Variants in CEP85 observed in about 807,000 individuals in gnomAD.
CEP85 encodes the protein centrosomal protein 85, also known as centrosomal protein of 85 kDa.
Under a neutral mutation model 93.7 loss-of-function variants are expected in CEP85, and 58 were observed. The observed-to-expected ratio is 0.62, with a 90% CI of 0.50 to 0.77. The LOEUF is 0.77. Among genes scored for constraint, CEP85 ranks in the 30% least tolerant of loss-of-function variants. CEP85 has a pLI of 0.00. For missense variants in CEP85, 868 were observed against 922.0 expected (o/e 0.94, Z 0.76); for synonymous variants, 314 against 338.6 (o/e 0.93, Z 0.80).
intron 3 of CEP85, among the ~76,000 whole-genome samples, chr1:26,245,954 T>G (rs2089502659): frequency 6.6e-6 from 1 of 150,634 alleles, no homozygotes; most frequent in African/African-American, 2.4e-5. Context: ...GAGACTAGCC[T>G]GGGCAGCATA....
At chr1:26,247,809 TTTG>T (rs2089535101) in intron 3 of CEP85, among the ~76,000 whole-genome samples, 2 of 150,910 alleles carry the variant, frequency 1.3e-5, no homozygotes, top group South Asian at 4.2e-4. Flanking sequence ...ACTCAGCCAG[TTTG>T]TTTTGTTTTG....
intron 7 of CEP85, among the ~76,000 whole-genome samples, chr1:26,264,147 A>G (rs545759036): frequency 6.6e-6 from 1 of 152,038 alleles, no homozygotes; most frequent in South Asian, 2.1e-4. Context: ...TGTTTATAGT[A>G]TTTCTTGTTT....
chr1:26,253,236 C>T (rs1462047952), intron 3 of CEP85, among the ~76,000 whole-genome samples: 5 of 152,040 alleles, frequency 3.3e-5, no homozygotes, highest in Non-Finnish European at 7.4e-5. Flanking sequence ...GATATATACC[C>T]AGAAGTGGAT....
intron 4 of CEP85, 34 bp from the exon 5 acceptor site, chr1:26,257,563 A>G (rs2089726775): frequency 6.2e-7 from 1 of 1,612,416 alleles, no homozygotes; most frequent in Admixed American, 1.7e-5. Context: ...GTATGGGTCA[A>G]GATCAAGCTC....
At position 26,277,625 on chromosome 1, in the gene CEP85, T is replaced by C. The variant is rs1454713179; in HGVS notation, c.*332T>C. On this transcript the variant is annotated 3_prime_UTR_variant, in exon 14 of 14. Coordinates refer to ENST00000451429, the MANE Select transcript of CEP85 (RefSeq NM_001319944.2). ...CACCTTTCTTCTCCATCCAATGGGA[T>C]GGATCCATGTTCATTCCCACTTCAC... The C allele has an allele frequency of 9.6e-6, 2 of 207,498 alleles. No individual in the cohort carries two copies. Among genetic ancestry groups the C allele is most frequent in the African/African-American group, 4.6e-5 (2 of 43,954 alleles). The allele number at this position is 207,498 out of a possible 1,614,324, so 12.9% of individuals were successfully genotyped here.
At position 26,277,454 on chromosome 1, in the gene CEP85, C is replaced by T; in HGVS notation, c.*161C>T. On this transcript the variant is annotated 3_prime_UTR_variant, in exon 14 of 14. Coordinates refer to ENST00000451429, the MANE Select transcript of CEP85 (RefSeq NM_001319944.2). ...CAAGGGCTGATTAGGGAACTGTGTC[C>T]TACCCACACTGGCATGTTGGATTAC... 1.6e-6 allele frequency: 1 copy of T among 613,748 alleles called. No individual in the cohort carries two copies. The highest frequency in any genetic ancestry group is 2.9e-6 in the Non-Finnish European group (1 of 343,136). 38.0% of individuals were successfully genotyped at this position (613,748 alleles called of 1,614,324 possible).
At chr1:26,239,610 C>A (rs866407368) in intron 1 of CEP85, among the ~76,000 whole-genome samples, 152 bp from the exon 2 acceptor site, 2 of 147,114 alleles carry the variant, frequency 1.4e-5, no homozygotes, top group African/African-American at 5.5e-5. Context: ...CCTTGGCCTC[C>A]CAAAGTGCTG....
At chr1:26,256,481 A>G in intron 4 of CEP85, among the ~76,000 whole-genome samples, 1 of 151,058 alleles carries the variant, frequency 6.6e-6, no homozygotes, top group Admixed American at 6.6e-5. Context: ...CAGTGAGCCG[A>G]GACTGCGCCA....
In CEP85 at chr1:26,261,630, C is replaced by G. The variant is rs35663576; in HGVS notation, c.1341+1828C>G. Among the ~76,000 whole-genome samples the G allele has an allele frequency of 9.6e-3, 1,464 of 151,914 alleles. 10 individuals are homozygous for G. The highest frequency in any genetic ancestry group is 0.017 in the Non-Finnish European group (1,139 of 67,974). On this transcript the variant is annotated intron_variant, in intron 7 of 13. Transcript: ENST00000451429. ...GTAGTTCTGGCCAGACTCAGTGGCT[C>G]ATACCTATAATTCCAGCACTTTGGG...
intron 7 of CEP85, among the ~76,000 whole-genome samples, chr1:26,260,183 T>A (rs1422216536): frequency 6.6e-6 from 1 of 152,144 alleles, no homozygotes; most frequent in African/African-American, 2.4e-5. Context: ...TCACCCTTCC[T>A]AAAAAGTAGA....
At chr1:26,263,275 G>T in intron 7 of CEP85, 1 of 343,332 alleles carries the variant, frequency 2.9e-6, no homozygotes. Context: ...CATTTGCCCA[G>T]GTTTTGCAAG....
intron 3 of CEP85, among the ~76,000 whole-genome samples, chr1:26,253,634 C>G (rs1159415825): frequency 1.3e-5 from 2 of 151,862 alleles, no homozygotes; most frequent in African/African-American, 2.4e-5. Context: ...CATGATCCCC[C>G]CTCCTCAGCC....
Position 26,255,769 on chromosome 1 carries a change from G to A in CEP85, c.807G>A (p.Pro269=), listed in dbSNP as rs373753784. The A allele has an allele frequency of 2.0e-4, 319 of 1,614,110 alleles. 3 individuals are homozygous for A. In the South Asian group the frequency reaches 3.3e-3, roughly 16 times the overall value. Reference sequence around the variant, plus strand: ...CTCTGCCCTCTCAGGTGTGGCAGCCGAGTCCTGACACTTGGCATCCCCGAG... The same window carrying A: ...CTCTGCCCTCTCAGGTGTGGCAGCCAAGTCCTGACACTTGGCATCCCCGAG... ...SKPLPSQVWQ[P]SPDTWHPREQ... Residue 269 remains proline, a synonymous_variant, in exon 4 of 14, where the codon CCG becomes CCA. Coordinates refer to ENST00000451429, the MANE Select transcript of CEP85 (RefSeq NM_001319944.2).
intron 3 of CEP85, among the ~76,000 whole-genome samples, chr1:26,250,382 C>G (rs2089587387): frequency 6.6e-6 from 1 of 152,214 alleles, no homozygotes; most frequent in Admixed American, 6.5e-5. Context: ...TTACGAGAAT[C>G]TAATGCCTGA....
intron 1 of CEP85, among the ~76,000 whole-genome samples, chr1:26,234,913 C>T (rs928822462): frequency 6.6e-6 from 1 of 152,158 alleles, no homozygotes; most frequent in Admixed American, 6.5e-5. Context: ...AGTCACAGCT[C>T]CAGGGCTTGC....
chr1:26,262,950 T>A (rs995901167), intron 7 of CEP85: 3 of 152,632 alleles, frequency 2.0e-5, no homozygotes, highest in African/African-American at 7.2e-5. Flanking sequence ...TTGGCCAGGC[T>A]GGTCTTAAAC....
At chr1:26,235,813 C>A (rs12733951) in intron 1 of CEP85, among the ~76,000 whole-genome samples, 80,490 of 151,832 alleles carry the variant, frequency 0.53, 22,612 homozygotes, top group Non-Finnish European at 0.65. Context: ...CTCAGGTGAT[C>A]CGCCCGCCTC....
At chr1:26,251,754 C>T (rs781576288) in intron 3 of CEP85, among the ~76,000 whole-genome samples, 1 of 152,068 alleles carries the variant, frequency 6.6e-6, no homozygotes, top group Non-Finnish European at 1.5e-5. Context: ...GGGCTCAAAA[C>T]TGAATTTGGT....
intron 1 of CEP85, among the ~76,000 whole-genome samples, chr1:26,236,543 C>T (rs753861878): frequency 5.3e-5 from 8 of 152,176 alleles, no homozygotes; most frequent in Non-Finnish European, 1.2e-4. Flanking sequence ...CCACCAGTAG[C>T]TCATCTAATT....
Sources: allele counts gnomAD v4.1 joint callset (sites outside exome capture counted in the v4.1 genomes callset), GRCh38; gene constraint gnomAD v4.1.1; transcripts MANE v1.5; gene names NCBI Gene and HGNC (gene_info 2026-07-23, HGNC 2026-07-21).